The following BCKDHB variants were observed in gnomAD, a reference collection of about 807,000 sequenced individuals.
BCKDHB encodes the protein 2-oxoisovalerate dehydrogenase subunit beta, mitochondrial.
A neutral mutation model predicts 48.5 loss-of-function variants in BCKDHB; 41 were observed. The ratio of observed to expected loss-of-function variants is 0.85; its 90% confidence interval spans 0.66 to 1.10. The LOEUF (loss-of-function observed/expected upper bound fraction) is 1.10, where lower values mean the gene tolerates loss of function less well. Among genes scored for constraint, BCKDHB ranks in the 50% least tolerant of loss-of-function variants. The probability of loss-of-function intolerance (pLI) is 0.00; values close to 1 mark genes in which losing one functional copy is unlikely to be tolerated. For missense variants in BCKDHB, 496 were observed against 494.2 expected, an observed-to-expected ratio of 1.00 and a Z score of -0.03; for synonymous variants, 201 against 174.8, an observed-to-expected ratio of 1.15 and a Z score of -1.18.
At chr6:80,168,828 G>A (rs1171993726) in intron 4 of BCKDHB, 47 bp from the exon 5 acceptor site, 1 of 1,328,730 alleles carries the variant, frequency 7.5e-7, no homozygotes, top group African/African-American at 1.7e-5. Context: ...GAGATTGGAA[G>A]GGAAGGACTC....
the BCKDHB span, among the ~76,000 whole-genome samples, chr6:80,368,947 A>G: frequency 1.3e-5 from 2 of 151,098 alleles, no homozygotes; most frequent in Non-Finnish European, 2.9e-5. Flanking sequence ...CGAAAGGCAG[A>G]GGTTGCAGTG....
chr6:80,371,369 G>T, the BCKDHB span, among the ~76,000 whole-genome samples: 1 of 151,860 alleles, frequency 6.6e-6, no homozygotes, highest in African/African-American at 2.4e-5. Flanking sequence ...TGAGTTCCTT[G>T]TAGAGTCAGG....
At chr6:80,397,946 C>T in the BCKDHB span, among the ~76,000 whole-genome samples, 6 of 152,082 alleles carry the variant, frequency 3.9e-5, no homozygotes, top group African/African-American at 1.4e-4. Context: ...CATGCAAGTA[C>T]ATGGAAGTTA....
chr6:80,437,887 A>ATAGTTC, the BCKDHB span, among the ~76,000 whole-genome samples: 1 of 152,220 alleles, frequency 6.6e-6, no homozygotes, highest in Non-Finnish European at 1.5e-5. Context: ...TTGAAAAGTG[A>ATAGTTC]TAGTTCTGCT....
chr6:80,207,019 A>C (rs1774697409), intron 8 of BCKDHB, among the ~76,000 whole-genome samples: 1 of 152,050 alleles, frequency 6.6e-6, no homozygotes, highest in Non-Finnish European at 1.5e-5. Context: ...ATGAAATAAA[A>C]ATAGTTTAGG....
At chr6:80,362,815 T>G in the BCKDHB span, among the ~76,000 whole-genome samples, 30 of 152,260 alleles carry the variant, frequency 2.0e-4, no homozygotes, top group African/African-American at 6.5e-4. Flanking sequence ...CTTTCAAAAT[T>G]GCAAGCATTA....
rs142242561 is a variant in BCKDHB at position 80,227,212 on chromosome 6, A to C, written c.951+24000A>C. ...AAGATGTAAGTCGTGTCTAATTTGTAGAAGTTATTTCAGTTTCTTTTGGAG... is the reference window on the plus strand; with the variant it reads ...AAGATGTAAGTCGTGTCTAATTTGTCGAAGTTATTTCAGTTTCTTTTGGAG... On this transcript the variant is annotated intron_variant, in intron 8 of 9. Transcript: ENST00000320393. Among the ~76,000 whole-genome samples, 995 of 152,326 alleles carry C rather than the reference A, an allele frequency of 6.5e-3. 21 individuals are homozygous for C. Among genetic ancestry groups the C allele is most frequent in the Admixed American group, 0.038 (584 of 15,292 alleles).
At chr6:80,144,354 C>G (rs559558101) in intron 3 of BCKDHB, among the ~76,000 whole-genome samples, 1 of 152,194 alleles carries the variant, frequency 6.6e-6, no homozygotes, top group African/African-American at 2.4e-5. Flanking sequence ...AGTTTCTGTC[C>G]AAGAACTTTT....
chr6:80,312,139 C>G (rs1336351931), intron 9 of BCKDHB, among the ~76,000 whole-genome samples: 1 of 152,148 alleles, frequency 6.6e-6, no homozygotes, highest in Non-Finnish European at 1.5e-5. Flanking sequence ...AGGTCCTTCA[C>G]TTCCCTTATT....
chr6:80,462,282 C>T, the BCKDHB span, among the ~76,000 whole-genome samples: 1 of 152,152 alleles, frequency 6.6e-6, no homozygotes, highest in African/African-American at 2.4e-5. Flanking sequence ...TATTTGAGGG[C>T]ATGAGCTATA....
intron 6 of BCKDHB, among the ~76,000 whole-genome samples, chr6:80,184,970 G>C (rs994504334): frequency 6.6e-6 from 1 of 152,270 alleles, no homozygotes; most frequent in East Asian, 1.9e-4. Flanking sequence ...TTTTGTATTT[G>C]AATGTCTAGA....
At chr6:80,392,983 A>G in the BCKDHB span, among the ~76,000 whole-genome samples, 3 of 150,304 alleles carry the variant, frequency 2.0e-5, no homozygotes, top group South Asian at 2.1e-4. Flanking sequence ...GCTTTGGAAT[A>G]TGAAGATTTT....
the BCKDHB span, among the ~76,000 whole-genome samples, chr6:80,362,077 T>A: frequency 3.3e-5 from 5 of 152,140 alleles, no homozygotes; most frequent in Non-Finnish European, 7.4e-5. Flanking sequence ...GATTCTGACC[T>A]GAGCTTTAGA....
intron 9 of BCKDHB, among the ~76,000 whole-genome samples, chr6:80,323,962 C>T (rs564599286): frequency 7.2e-5 from 11 of 152,206 alleles, no homozygotes; most frequent in South Asian, 2.1e-4. Context: ...TTAGTAGAGA[C>T]GGGGTTTCAC....
In BCKDHB at chr6:80,155,966, G is replaced by T. The variant is rs191643933; in HGVS notation, c.344-11712G>T. On this transcript the variant is annotated intron_variant, in intron 3 of 9. Coordinates refer to ENST00000320393, the MANE Select transcript of BCKDHB (RefSeq NM_183050.4). Reference sequence around the variant, plus strand: ...TTTAAACATTTGCCACAGCTCCATGGATAGTTTGTTTTAAAAAATACTTTC... The same window carrying T: ...TTTAAACATTTGCCACAGCTCCATGTATAGTTTGTTTTAAAAAATACTTTC... Among the ~76,000 whole-genome samples the T allele has an allele frequency of 2.9e-3, 444 of 151,432 alleles. 1 individual carries two copies. The highest frequency in any genetic ancestry group is 0.01 in the African/African-American group (429 of 41,300).
At chr6:80,328,227 C>T (rs1439959545) in intron 9 of BCKDHB, among the ~76,000 whole-genome samples, 1 of 152,146 alleles carries the variant, frequency 6.6e-6, no homozygotes, top group Non-Finnish European at 1.5e-5. Context: ...ACATTGCATG[C>T]TACGATATAT....
At chr6:80,157,207 A>C (rs917697305) in intron 3 of BCKDHB, among the ~76,000 whole-genome samples, 2 of 152,052 alleles carry the variant, frequency 1.3e-5, no homozygotes, top group Admixed American at 1.3e-4. Context: ...TCTGTCATTA[A>C]AAAAATTAAT....
At chr6:80,295,542 A>G (rs1445324362) in intron 9 of BCKDHB, among the ~76,000 whole-genome samples, 2 of 151,916 alleles carry the variant, frequency 1.3e-5, no homozygotes, top group African/African-American at 4.8e-5. Context: ...CTACAGTTCA[A>G]GATGAGATTT....
chr6:80,294,505 G>C (rs1292785886), intron 9 of BCKDHB, among the ~76,000 whole-genome samples: 1 of 152,210 alleles, frequency 6.6e-6, no homozygotes, highest in Non-Finnish European at 1.5e-5. Context: ...TTCTTGCAGA[G>C]AGCCTATAAA....
Sources: allele counts gnomAD v4.1 joint callset (sites outside exome capture counted in the v4.1 genomes callset), GRCh38; gene constraint gnomAD v4.1.1; transcripts MANE v1.5; gene names NCBI Gene and HGNC (gene_info 2026-07-23, HGNC 2026-07-21).